The following CFAP96 variants were observed in gnomAD, a reference collection of about 807,000 sequenced individuals.
CFAP96 encodes the protein cilia-and flagella-associated protein 96.
the CFAP96 span, chr4:185,425,894 C>A: frequency 1.3e-6 from 2 of 1,594,610 alleles, no homozygotes; most frequent in South Asian, 1.1e-5. Flanking sequence ...GTGACACGGG[C>A]GCTGACGCCT....
chr4:185,425,447 T>C, the CFAP96 span, among the ~76,000 whole-genome samples: 1 of 151,960 alleles, frequency 6.6e-6, no homozygotes, highest in Non-Finnish European at 1.5e-5. Context: ...AGCACCACCA[T>C]TTAGGATAGG....
the CFAP96 span, among the ~76,000 whole-genome samples, chr4:185,448,816 C>T: frequency 1.3e-5 from 2 of 152,100 alleles, no homozygotes; most frequent in African/African-American, 2.4e-5. Context: ...TTCTATGTGT[C>T]CTCTTCTATC....
the CFAP96 span, among the ~76,000 whole-genome samples, chr4:185,416,463 T>G: frequency 1.3e-5 from 2 of 152,202 alleles, no homozygotes; most frequent in African/African-American, 4.8e-5. Flanking sequence ...TATGAACAAT[T>G]GTGAAATTTA....
At chr4:185,416,371 T>C in the CFAP96 span, among the ~76,000 whole-genome samples, 2 of 152,192 alleles carry the variant, frequency 1.3e-5, no homozygotes, top group Admixed American at 1.3e-4. Context: ...TTTAAACATA[T>C]AACTATATAC....
the CFAP96 span, among the ~76,000 whole-genome samples, chr4:185,431,176 C>T: frequency 1.4e-5 from 2 of 144,916 alleles, no homozygotes; most frequent in Non-Finnish European, 3.0e-5. Context: ...TGCCACTGCA[C>T]TCCAGCCTGG....
At chr4:185,429,305 C>T in the CFAP96 span, 2 of 575,060 alleles carry the variant, frequency 3.5e-6, no homozygotes, top group Non-Finnish European at 5.8e-6. Flanking sequence ...AAACTTTTCC[C>T]CTTTATTTTT....
the CFAP96 span, among the ~76,000 whole-genome samples, chr4:185,433,890 T>G: frequency 6.7e-6 from 1 of 149,570 alleles, no homozygotes; most frequent in African/African-American, 2.5e-5. Flanking sequence ...CGACAGAGAC[T>G]CTGTCTCAAA....
At chr4:185,408,583 C>T in the CFAP96 span, 1 of 837,000 alleles carries the variant, frequency 1.2e-6, no homozygotes, top group South Asian at 2.0e-5. Flanking sequence ...TATGGTTTAA[C>T]ATTATACCTT....
At chr4:185,413,080 G>A in the CFAP96 span, among the ~76,000 whole-genome samples, 5 of 152,252 alleles carry the variant, frequency 3.3e-5, no homozygotes, top group African/African-American at 4.8e-5. Flanking sequence ...CCTACATGGC[G>A]GATCACTTGA....
the CFAP96 span, among the ~76,000 whole-genome samples, chr4:185,424,737 A>T: frequency 6.6e-6 from 1 of 152,248 alleles, no homozygotes; most frequent in Non-Finnish European, 1.5e-5. Context: ...TAAAAGTTAG[A>T]CAGGAAAGAA....
the CFAP96 span, among the ~76,000 whole-genome samples, chr4:185,434,238 A>C: frequency 1.3e-5 from 2 of 152,248 alleles, no homozygotes; most frequent in East Asian, 3.9e-4. Context: ...AAAACAAAAA[A>C]ATAAAAAAGA....
chr4:185,434,484 T>C, the CFAP96 span, among the ~76,000 whole-genome samples: 1 of 152,272 alleles, frequency 6.6e-6, no homozygotes, highest in Admixed American at 6.5e-5. Context: ...TTGACTCATG[T>C]GGTAATAATT....
At chr4:185,432,542 G>GT in the CFAP96 span, among the ~76,000 whole-genome samples, 1 of 152,204 alleles carries the variant, frequency 6.6e-6, no homozygotes, top group Admixed American at 6.5e-5. Flanking sequence ...GCCCCTGACT[G>GT]TTTTTTCTGC....
At chr4:185,437,843 AAT>A in the CFAP96 span, among the ~76,000 whole-genome samples, 2 of 152,148 alleles carry the variant, frequency 1.3e-5, no homozygotes, top group Non-Finnish European at 2.9e-5. Context: ...TAGATTTCCT[AAT>A]ATTCTAAAAG....
the CFAP96 span, among the ~76,000 whole-genome samples, chr4:185,420,514 TAAAC>T: frequency 6.6e-6 from 1 of 151,952 alleles, no homozygotes; most frequent in Non-Finnish European, 1.5e-5. Context: ...AATAAATAAA[TAAAC>T]AACGACCATA....
the CFAP96 span, among the ~76,000 whole-genome samples, chr4:185,441,289 A>G: frequency 3.3e-4 from 51 of 152,290 alleles, no homozygotes; most frequent in African/African-American, 1.2e-3. Context: ...CAGTTTATAA[A>G]CCTTAGTCAA....
At chr4:185,430,476 C>T in the CFAP96 span, among the ~76,000 whole-genome samples, 1 of 152,170 alleles carries the variant, frequency 6.6e-6, no homozygotes, top group Admixed American at 6.5e-5. Context: ...CATACCTGAA[C>T]ATTCTTTGGG....
chr4:185,417,305 AT>A, the CFAP96 span, among the ~76,000 whole-genome samples: 1 of 152,176 alleles, frequency 6.6e-6, no homozygotes, highest in African/African-American at 2.4e-5. Flanking sequence ...ATTACTGGTA[AT>A]TTTCAAATCA....
At chr4:185,412,437 T>C in the CFAP96 span, among the ~76,000 whole-genome samples, 1 of 151,786 alleles carries the variant, frequency 6.6e-6, no homozygotes, top group East Asian at 1.9e-4. Flanking sequence ...CGTATATGCA[T>C]TTTTTTAATT....
Sources: gnomAD v4.1 joint callset for allele counts (sites outside exome capture counted in the v4.1 genomes callset) on GRCh38, gnomAD v4.1.1 for gene constraint, MANE v1.5 for transcripts, NCBI Gene and HGNC (gene_info 2026-07-23, HGNC 2026-07-21) for gene names.